The following PABPC4L variants were observed in gnomAD, a reference collection of about 807,000 sequenced individuals.
The protein encoded by PABPC4L is polyadenylate-binding protein 4-like.
For missense variants in PABPC4L, 452 were observed against 451.4 expected (o/e 1.00, Z -0.01); for synonymous variants, 169 against 164.1 (o/e 1.03, Z -0.23).
At chr4:133,973,372 A>G in the PABPC4L span, among the ~76,000 whole-genome samples, 85 of 63,192 alleles carry the variant, frequency 1.3e-3, no homozygotes, top group Admixed American at 0.016. Flanking sequence ...AGAGCATAGG[A>G]AAAAAAAAAA....
chr4:134,161,977 C>T, the PABPC4L span, among the ~76,000 whole-genome samples: 3 of 151,936 alleles, frequency 2.0e-5, no homozygotes, highest in African/African-American at 7.2e-5. Flanking sequence ...TCTTTTCTTT[C>T]TTTTTTCTTT....
the PABPC4L span, among the ~76,000 whole-genome samples, chr4:134,138,118 T>A: frequency 6.6e-6 from 1 of 151,854 alleles, no homozygotes; most frequent in East Asian, 1.9e-4. Context: ...TAAAACAGCA[T>A]TAAAGTCTGC....
the PABPC4L span, among the ~76,000 whole-genome samples, chr4:134,075,158 G>C: frequency 1.3e-5 from 2 of 152,144 alleles, no homozygotes; most frequent in African/African-American, 4.8e-5. Context: ...GAGAAGTTCA[G>C]GGTTTTGAGT....
the PABPC4L span, among the ~76,000 whole-genome samples, chr4:133,992,958 C>T: frequency 6.6e-6 from 1 of 152,000 alleles, no homozygotes; most frequent in Non-Finnish European, 1.5e-5. Flanking sequence ...GGGTCCTAGC[C>T]ATGCCATGGT....
chr4:134,029,961 A>G, the PABPC4L span, among the ~76,000 whole-genome samples: 2 of 151,938 alleles, frequency 1.3e-5, no homozygotes, highest in Non-Finnish European at 2.9e-5. Flanking sequence ...TGATGGTTTT[A>G]TAAGGAGATT....
At chr4:134,085,104 T>C in the PABPC4L span, among the ~76,000 whole-genome samples, 16 of 151,966 alleles carry the variant, frequency 1.1e-4, no homozygotes, top group Non-Finnish European at 1.8e-4. Context: ...GTGGACATTA[T>C]TCACGAAGAA....
At chr4:134,177,662 T>C in the PABPC4L span, among the ~76,000 whole-genome samples, 1 of 152,130 alleles carries the variant, frequency 6.6e-6, no homozygotes. Flanking sequence ...ACAACTTCTA[T>C]GTGAACTCAT....
the PABPC4L span, among the ~76,000 whole-genome samples, chr4:134,164,730 T>G: frequency 6.6e-6 from 1 of 152,192 alleles, no homozygotes; most frequent in East Asian, 1.9e-4. Flanking sequence ...ATGCGATTTC[T>G]ATCAAAACAT....
the PABPC4L span, among the ~76,000 whole-genome samples, chr4:134,144,104 T>G: frequency 1.3e-5 from 2 of 151,602 alleles, no homozygotes; most frequent in African/African-American, 4.8e-5. Flanking sequence ...CAAGACTTAC[T>G]TGTTCTAAAA....
the PABPC4L span, among the ~76,000 whole-genome samples, chr4:133,950,975 A>G: frequency 6.6e-6 from 1 of 152,196 alleles, no homozygotes; most frequent in African/African-American, 2.4e-5. Context: ...AGTATACATA[A>G]TGCTGTCTTG....
chr4:134,013,226 G>T, the PABPC4L span, among the ~76,000 whole-genome samples: 1 of 151,788 alleles, frequency 6.6e-6, no homozygotes, highest in East Asian at 1.9e-4. Flanking sequence ...TGGGGGAGGG[G>T]CAGGAACCCC....
chr4:134,187,835 T>G, the PABPC4L span, among the ~76,000 whole-genome samples: 1 of 152,172 alleles, frequency 6.6e-6, no homozygotes, highest in African/African-American at 2.4e-5. Flanking sequence ...GAAGTGAGTT[T>G]CTTGTATACA....
the PABPC4L span, among the ~76,000 whole-genome samples, chr4:134,151,506 T>C: frequency 1.3e-5 from 2 of 152,054 alleles, no homozygotes; most frequent in African/African-American, 4.8e-5. Context: ...TAAATATTCT[T>C]TCTGATCATT....
the PABPC4L span, among the ~76,000 whole-genome samples, chr4:134,025,578 T>G: frequency 6.6e-6 from 1 of 152,122 alleles, no homozygotes; most frequent in East Asian, 1.9e-4. Flanking sequence ...TTTTCAGTAA[T>G]ATGCATACAA....
At chr4:134,178,604 T>A in the PABPC4L span, among the ~76,000 whole-genome samples, 3,417 of 152,104 alleles carry the variant, frequency 0.022, 129 homozygotes, top group African/African-American at 0.078. Context: ...AATCATCAAC[T>A]TACAGGAGAT....
the PABPC4L span, among the ~76,000 whole-genome samples, chr4:134,044,412 C>T: frequency 2.6e-5 from 4 of 151,994 alleles, no homozygotes; most frequent in South Asian, 2.1e-4. Context: ...TACAGGCATC[C>T]GCCACCACGC....
chr4:133,991,807 A>G, the PABPC4L span, among the ~76,000 whole-genome samples: 2 of 152,176 alleles, frequency 1.3e-5, no homozygotes, highest in African/African-American at 2.4e-5. Context: ...CACTAGTAAT[A>G]TTTAAATTAG....
chr4:134,104,825 A>T, the PABPC4L span, among the ~76,000 whole-genome samples: 1 of 151,774 alleles, frequency 6.6e-6, no homozygotes, highest in African/African-American at 2.4e-5. Flanking sequence ...AAACTGCAAA[A>T]TACCTACTGC....
the PABPC4L span, among the ~76,000 whole-genome samples, chr4:134,004,621 A>G: frequency 6.6e-6 from 1 of 151,896 alleles, no homozygotes; most frequent in Admixed American, 6.6e-5. Flanking sequence ...TATATATTCA[A>G]AGTAAATGAA....
Sources: gnomAD v4.1 joint callset for allele counts (sites outside exome capture counted in the v4.1 genomes callset) on GRCh38, gnomAD v4.1.1 for gene constraint, MANE v1.5 for transcripts, NCBI Gene and HGNC (gene_info 2026-07-23, HGNC 2026-07-21) for gene names.